Variants in NRXN3 observed in about 807,000 individuals in gnomAD.
NRXN3 encodes neurexin III.
A neutral mutation model predicts 137.6 loss-of-function variants in NRXN3; 32 were observed. The observed-to-expected ratio is 0.23, with a 90% confidence interval of 0.18 to 0.31. The LOEUF (loss-of-function observed/expected upper bound fraction) is 0.31. NRXN3 is among the 10% of genes least tolerant of loss of function. The pLI, the probability that NRXN3 is intolerant of heterozygous loss-of-function variation, is 1.00. For synonymous variants in NRXN3, 798 were observed against 784.5 expected (o/e 1.02, Z -0.29); for missense variants, 1,574 against 2,062.5 (o/e 0.76, Z 4.59).
At position 79,845,895 on chromosome 14, in the gene NRXN3, A is replaced by AG. The variant is rs1320470979; in HGVS notation, c.4094-15447_4094-15446insG. On this transcript the variant is annotated intron_variant, in intron 20 of 20. Coordinates refer to ENST00000335750, the MANE Select transcript of NRXN3 (RefSeq NM_001330195.2). ...GATGGAGAGAGAGAGAGATGGAGAGAAAGACAGAGAGAGAGACGGAGACAG... is the reference window on the plus strand; with the variant it reads ...GATGGAGAGAGAGAGAGATGGAGAGAGAAGACAGAGAGAGAGACGGAGACAG... Among the ~76,000 whole-genome samples, 266 of 140,662 alleles carry AG rather than the reference A, an allele frequency of 1.9e-3. 33 individuals carry two copies. Among genetic ancestry groups the AG allele is most frequent in the African/African-American group, 6.2e-3 (245 of 39,448 alleles). The allele number at this position is 140,662 out of a possible 152,430, so 92.3% of individuals were successfully genotyped here.
chr14:78,714,576 G>A (rs75418471), intron 7 of NRXN3, among the ~76,000 whole-genome samples, 180 bp from the exon 8 acceptor site: 2,459 of 152,282 alleles, frequency 0.016, 61 homozygotes, highest in African/African-American at 0.056. Context: ...GACTTAGCTG[G>A]CAGAGATTGG....
At chr14:78,345,143 A>G (rs1457366674) in intron 4 of NRXN3, among the ~76,000 whole-genome samples, 1 of 152,058 alleles carries the variant, frequency 6.6e-6, no homozygotes, top group African/African-American at 2.4e-5. Flanking sequence ...GTGTGGGTAC[A>G]TGCCTGTGGC....
At chr14:78,473,527 T>A (rs764405299) in intron 4 of NRXN3, among the ~76,000 whole-genome samples, 6 of 152,014 alleles carry the variant, frequency 3.9e-5, no homozygotes, top group Non-Finnish European at 8.8e-5. Flanking sequence ...ACAGACAGAG[T>A]CCTAAGTTAG....
intron 19 of NRXN3, among the ~76,000 whole-genome samples, chr14:79,738,354 C>CACACACAG (rs1555678046): frequency 6.8e-6 from 1 of 147,810 alleles, no homozygotes; most frequent in Non-Finnish European, 1.5e-5. Flanking sequence ...CACACACACA[C>CACACACAG]AGAGGAGAAG....
At chr14:78,304,935 T>C (rs889778583) in intron 4 of NRXN3, among the ~76,000 whole-genome samples, 1 of 152,214 alleles carries the variant, frequency 6.6e-6, no homozygotes, top group Non-Finnish European at 1.5e-5. Flanking sequence ...GTATCTTCTC[T>C]GTATGTACGT....
intron 10 of NRXN3, among the ~76,000 whole-genome samples, chr14:78,837,202 A>G (rs1241670834): frequency 1.3e-5 from 2 of 152,228 alleles, no homozygotes; most frequent in Non-Finnish European, 2.9e-5. Context: ...CAGCATTACT[A>G]TCCTTAAATC....
At chr14:79,818,332 C>A (rs1396125072) in intron 20 of NRXN3, among the ~76,000 whole-genome samples, 2 of 152,202 alleles carry the variant, frequency 1.3e-5, no homozygotes, top group African/African-American at 2.4e-5. Flanking sequence ...GGATTACAGG[C>A]GTGAGCCACC....
chr14:79,780,821 T>C (rs565903371), intron 19 of NRXN3, among the ~76,000 whole-genome samples: 7 of 152,334 alleles, frequency 4.6e-5, no homozygotes, highest in Non-Finnish European at 1.0e-4. Context: ...CCATCGTAGT[T>C]ACTAGACTTC....
chr14:78,606,513 C>T (rs2097254253), intron 4 of NRXN3, among the ~76,000 whole-genome samples: 1 of 152,198 alleles, frequency 6.6e-6, no homozygotes, highest in Non-Finnish European at 1.5e-5. Context: ...CTGCCCTGTA[C>T]TCTGATAGCA....
chr14:78,707,554 A>G (rs1361447941), intron 6 of NRXN3, among the ~76,000 whole-genome samples: 1 of 152,228 alleles, frequency 6.6e-6, no homozygotes, highest in Non-Finnish European at 1.5e-5. Context: ...TTAGAAAGTC[A>G]TAACAGATTT....
In NRXN3 at chr14:78,426,013, G is replaced by T. The variant is rs528067534; in HGVS notation, c.757+128153G>T. Among the ~76,000 whole-genome samples the T allele has an allele frequency of 2.0e-3, 302 of 152,334 alleles. 1 individual carries two copies. Among genetic ancestry groups the T allele is most frequent in the South Asian group, 8.3e-3 (40 of 4,824 alleles). On this transcript the variant is annotated intron_variant, in intron 4 of 20. Transcript: ENST00000335750. ...AGTTCCAGGAAGTGAAGTATGTGCT[G>T]CATAGGTTGTGGGTAGCCAGGAGCA...
intron 19 of NRXN3, among the ~76,000 whole-genome samples, chr14:79,783,034 T>C (rs1027237900): frequency 1.2e-4 from 19 of 152,218 alleles, no homozygotes; most frequent in Admixed American, 3.3e-4. Context: ...AAGGTCCCTC[T>C]GTTGAACACT....
At chr14:78,646,402 T>C (rs2097688161) in intron 5 of NRXN3, among the ~76,000 whole-genome samples, 1 of 152,234 alleles carries the variant, frequency 6.6e-6, no homozygotes, top group African/African-American at 2.4e-5. Context: ...CCCAGTTGGA[T>C]GGCATCCAGG....
chr14:78,412,885 G>A (rs1364927956), intron 4 of NRXN3, among the ~76,000 whole-genome samples: 1 of 152,200 alleles, frequency 6.6e-6, no homozygotes, highest in Non-Finnish European at 1.5e-5. Context: ...CCTGCTGTGG[G>A]TATTGAATGC....
At chr14:79,185,683 T>C (rs2153152629) in intron 15 of NRXN3, among the ~76,000 whole-genome samples, 1 of 152,224 alleles carries the variant, frequency 6.6e-6, no homozygotes, top group African/African-American at 2.4e-5. Flanking sequence ...GCCAGGATGG[T>C]CTCGATCTCC....
chr14:78,237,849 G>A (rs1433226183), intron 1 of NRXN3, among the ~76,000 whole-genome samples: 1 of 152,200 alleles, frequency 6.6e-6, no homozygotes, highest in African/African-American at 2.4e-5. Flanking sequence ...TCCAGTCCTG[G>A]TGAGGGCAGG....
chr14:78,496,745 C>T (rs1015339794), intron 4 of NRXN3, among the ~76,000 whole-genome samples: 1 of 151,782 alleles, frequency 6.6e-6, no homozygotes, highest in African/African-American at 2.4e-5. Context: ...ATAGGTGAAT[C>T]CAAAGATGAA....
At chr14:79,847,266 A>C (rs1229198594) in intron 20 of NRXN3, among the ~76,000 whole-genome samples, 1 of 152,136 alleles carries the variant, frequency 6.6e-6, no homozygotes, top group East Asian at 1.9e-4. Flanking sequence ...CCCTCCAATA[A>C]TGATGAATTC....
At chr14:79,486,913 T>TTCTC (rs58861355) in intron 16 of NRXN3, among the ~76,000 whole-genome samples, 4,832 of 128,194 alleles carry the variant, frequency 0.038, 155 homozygotes, top group East Asian at 0.094. Context: ...TCTTTACAGG[T>TTCTC]TCTCTCTCTC....
Sources: gnomAD v4.1 joint callset for allele counts (sites outside exome capture counted in the v4.1 genomes callset) on GRCh38, gnomAD v4.1.1 for gene constraint, MANE v1.5 for transcripts, NCBI Gene and HGNC (gene_info 2026-07-23, HGNC 2026-07-21) for gene names.